The following HIPK1 variants were observed in gnomAD, a reference collection of about 807,000 sequenced individuals.
HIPK1 encodes homeodomain-interacting protein kinase 1.
In HIPK1, 28 loss-of-function variants were observed where a neutral mutation model predicts 117.1. The observed-to-expected ratio is 0.24, with a 90% CI of 0.18 to 0.33. HIPK1 has a LOEUF of 0.33. Among genes scored for constraint, HIPK1 ranks in the 10% least tolerant of loss-of-function variants. HIPK1 has a pLI of 1.00. For synonymous variants in HIPK1, 605 were observed against 562.5 expected (o/e 1.08, Z -1.07); for missense variants, 1,122 against 1,475.1 (o/e 0.76, Z 3.92).
intron 1 of HIPK1, chr1:113,930,004 G>A (rs932593622): frequency 1.0e-6 from 1 of 985,190 alleles, no homozygotes; most frequent in African/African-American, 1.7e-5. Flanking sequence ...CCCTGAGGCG[G>A]GGCCGGGCCG....
chr1:113,969,039 AAAAG>A (rs1372598172), intron 13 of HIPK1, among the ~76,000 whole-genome samples: 1 of 152,116 alleles, frequency 6.6e-6, no homozygotes, highest in Non-Finnish European at 1.5e-5. Flanking sequence ...CCACCCAAAA[AAAAG>A]GGCCGAAGAA....
At chr1:113,947,421 GACAA>G (rs1404081519) in intron 2 of HIPK1, among the ~76,000 whole-genome samples, 2 of 152,140 alleles carry the variant, frequency 1.3e-5, no homozygotes, top group African/African-American at 4.8e-5. Flanking sequence ...ATTTATCCTA[GACAA>G]ACAAATAATC....
At chr1:113,947,983 A>C (rs1000414760) in intron 2 of HIPK1, among the ~76,000 whole-genome samples, 1 of 152,206 alleles carries the variant, frequency 6.6e-6, no homozygotes, top group Non-Finnish European at 1.5e-5. Context: ...TTATTACACA[A>C]ATGAGGTAGA....
At position 113,954,188 on chromosome 1, in the gene HIPK1, C is replaced by T. The variant is rs569189741; in HGVS notation, c.1201-463C>T. On this transcript the variant is annotated intron_variant, in intron 3 of 15. Transcript: ENST00000426820. ...TATCAGCCTAGGGTGGTCTCAAACT[C>T]CCAGGCTCAAGCTATCCTCCTACCT... Among the ~76,000 whole-genome samples, 4 of 151,982 alleles carry T rather than the reference C, an allele frequency of 2.6e-5. No individual in the cohort carries two copies. In the South Asian group the frequency reaches 8.3e-4, roughly 32 times the overall value.
rs1207653930 is a variant in HIPK1 at position 113,977,369 on chromosome 1, T to TTA, written c.*3861_*3862dup. 2 of 152,798 alleles carry TTA rather than the reference T, an allele frequency of 1.3e-5. No homozygotes were observed. The highest frequency in any genetic ancestry group is 4.8e-5 in the African/African-American group (2 of 41,456). 9.5% of individuals were successfully genotyped at this position (152,798 alleles called of 1,614,324 possible). On this transcript the variant is annotated 3_prime_UTR_variant, in exon 16 of 16. Transcript: ENST00000426820. The stretch of plus-strand genomic sequence containing the variant: ...CATGTAGCAGTACATTATATGTACA[T>TTA]TATATGTAATGTTAGTATTTCTGCT...
intron 15 of HIPK1, among the ~76,000 whole-genome samples, chr1:113,972,768 A>G (rs768638835): frequency 6.6e-6 from 1 of 152,162 alleles, no homozygotes; most frequent in African/African-American, 2.4e-5. Flanking sequence ...GGGGAACCCT[A>G]TGATCTCTTG....
chr1:113,964,828 C>A (rs1238339268), intron 10 of HIPK1, among the ~76,000 whole-genome samples: 1 of 152,198 alleles, frequency 6.6e-6, no homozygotes, highest in African/African-American at 2.4e-5. Flanking sequence ...TTTGCTGCTT[C>A]TCTTAAGTTT....
At chr1:113,951,945 CT>C (rs34394248) in intron 2 of HIPK1, among the ~76,000 whole-genome samples, 29,782 of 109,966 alleles carry the variant, frequency 0.27, 2,310 homozygotes, top group Middle Eastern at 0.34. Context: ...TTGACCAGGG[CT>C]TTTTTTTTTT....
rs147421530 is a variant in HIPK1, at chr1:113,934,489, A to G, written c.-3+4957A>G. ...GCTATTATCTTTTAGCAATAAGTAC[A>G]AGTACCAATGATCTTTTGCCCATCA... On this transcript the variant is annotated intron_variant, in intron 1 of 15. Coordinates refer to ENST00000426820, the MANE Select transcript of HIPK1 (RefSeq NM_198268.3). Among the ~76,000 whole-genome samples, 501 of 152,298 alleles carry G rather than the reference A, an allele frequency of 3.3e-3. 2 individuals carry two copies. The highest frequency in any genetic ancestry group is 0.012 in the African/African-American group (478 of 41,542).
At chr1:113,943,183 C>A (rs1233942517) in intron 2 of HIPK1, among the ~76,000 whole-genome samples, 1 of 152,194 alleles carries the variant, frequency 6.6e-6, no homozygotes. Context: ...ACCATCACTG[C>A]TGTCTGTTAA....
At chr1:113,933,167 T>C in intron 1 of HIPK1, 1 of 985,170 alleles carries the variant, frequency 1.0e-6, no homozygotes, top group Non-Finnish European at 1.2e-6. Context: ...AAGTGAACTA[T>C]TGATTTTGAT....
chr1:113,946,197 C>T (rs1178544685), intron 2 of HIPK1, among the ~76,000 whole-genome samples: 1 of 152,144 alleles, frequency 6.6e-6, no homozygotes, highest in East Asian at 1.9e-4. Context: ...ACCAGCCACA[C>T]CAACATAACA....
chr1:113,958,037 G>C, intron 7 of HIPK1, 29 bp from the exon 8 acceptor site: 2 of 1,448,410 alleles, frequency 1.4e-6, no homozygotes, highest in Non-Finnish European at 1.9e-6. Flanking sequence ...CTTAATACAA[G>C]TGTACAAATA....
In HIPK1 at chr1:113,941,271, G is replaced by T; in HGVS notation, c.888G>T (p.Leu296Phe). Residue 296 changes from leucine to phenylalanine, a missense_variant, in exon 2 of 16, where the codon TTG becomes TTT. By Grantham distance (22) the Leu-to-Phe change is conservative (BLOSUM62 0). Around this residue, in one of 6 missense-constraint regions of HIPK1, gnomAD observed 62 missense variants for 121.5 expected, o/e 0.51. Transcript: ENST00000426820. This position sits in a 1 kb window ranked among gnomAD's most constrained non-coding sequence, Gnocchi z 4.9. The part of the protein sequence containing the change: ...PLPLKYIRPI[L>F]QQVATALMKL... The stretch of plus-strand genomic sequence containing the variant: ...CACTCAAGTACATCAGACCAATCTT[G>T]CAGCAGGTGGCCACAGCCTTGATGA... The T allele has an allele frequency of 6.2e-7, 1 of 1,614,212 alleles. No individual in the cohort carries two copies. The highest frequency in any genetic ancestry group is 1.1e-5 in the South Asian group (1 of 91,084).
At chr1:113,952,937 G>T (rs1472299079) in intron 3 of HIPK1, 48 bp downstream of exon 3, 2 of 1,411,682 alleles carry the variant, frequency 1.4e-6, no homozygotes, top group Non-Finnish European at 9.3e-7. Context: ...AGTTACTTGT[G>T]AATTAGATTC....
Position 113,968,602 on chromosome 1 carries a change from C to T in HIPK1, c.2725C>T (p.Arg909Ter). Residue 909 changes from arginine (R) to a stop codon, truncating the protein, a stop_gained, in exon 13 of 16, where the codon CGA becomes TGA. Transcript: ENST00000426820. LOFTEE classifies it high-confidence loss of function. Reference sequence around the variant, plus strand: ...CCCTCCTGTGAGTGTCATCACTATCCGAAGTGACACTGATGAGGAAGAGGA... The same window carrying T: ...CCCTCCTGTGAGTGTCATCACTATCTGAAGTGACACTGATGAGGAAGAGGA... The part of the protein sequence containing the change: ...PSPPVSVITI[R>*]SDTDEEEDNK... The T allele has an allele frequency of 6.2e-7, 1 of 1,614,016 alleles. No homozygotes were observed. Among genetic ancestry groups the T allele is most frequent in the Non-Finnish European group, 8.5e-7 (1 of 1,179,912 alleles).
At chr1:113,934,110 A>G (rs945623629) in intron 1 of HIPK1, among the ~76,000 whole-genome samples, 4 of 152,218 alleles carry the variant, frequency 2.6e-5, no homozygotes, top group Admixed American at 2.6e-4. Context: ...TCATCTGAGG[A>G]TAAGTGCTGG....
chr1:113,929,666 G>T (rs1035978634), intron 1 of HIPK1, 134 bp downstream of exon 1: 23 of 903,318 alleles, frequency 2.5e-5, no homozygotes, highest in East Asian at 1.9e-4. Context: ...CCCGGCGGTA[G>T]CCCCGGACGG....
At position 113,974,393 on chromosome 1, in the gene HIPK1, C is replaced by T. The variant is rs1013893715; in HGVS notation, c.*881C>T. On this transcript the variant is annotated 3_prime_UTR_variant, in exon 16 of 16. Coordinates refer to ENST00000426820, the MANE Select transcript of HIPK1 (RefSeq NM_198268.3). ...AAAGCCATTAAGGTGGTTATTATTA[C>T]ATGGTGGTGGTGGTTTTATTATATG... is the stretch of plus-strand genomic sequence containing the variant. 1 of 152,694 alleles carries T rather than the reference C, an allele frequency of 6.5e-6. No individual in the cohort carries two copies. The highest frequency in any genetic ancestry group is 2.4e-5 in the African/African-American group (1 of 41,442). The allele number at this position is 152,694 out of a possible 1,614,324, so 9.5% of individuals were successfully genotyped here.
Sources: gnomAD v4.1 joint callset for allele counts (sites outside exome capture counted in the v4.1 genomes callset) on GRCh38, gnomAD v4.1.1 for gene constraint, gnomAD v4.1.1 regional missense constraint, Gnocchi (gnomAD v3.1) non-coding constraint, MANE v1.5 for transcripts, NCBI Gene and HGNC (gene_info 2026-07-23, HGNC 2026-07-21) for gene names.